KIAA0232: variants seen among roughly 807,000 people sequenced by gnomAD.
KIAA0232 encodes KIAA0232.
Under a neutral mutation model 122.0 loss-of-function variants are expected in KIAA0232, and 27 were observed. The ratio of observed to expected loss-of-function variants is 0.22; its 90% confidence interval spans 0.16 to 0.31. The LOEUF (loss-of-function observed/expected upper bound fraction) is 0.31, where lower values mean the gene tolerates loss of function less well. Among genes scored for constraint, KIAA0232 ranks in the 10% least tolerant of loss-of-function variants. The pLI is 1.00. For synonymous variants in KIAA0232, 613 were observed against 587.6 expected (o/e 1.04, Z -0.63); for missense variants, 1,551 against 1,634.2 (o/e 0.95, Z 0.88).
At chr4:6,850,963 C>T (rs961230213) in intron 4 of KIAA0232, among the ~76,000 whole-genome samples, 3 of 152,122 alleles carry the variant, frequency 2.0e-5, no homozygotes, top group Admixed American at 6.5e-5. Flanking sequence ...CCACCATGCT[C>T]GGCCGAAAGG....
chr4:6,832,568 C>T (rs948509300), intron 3 of KIAA0232, among the ~76,000 whole-genome samples: 5 of 152,104 alleles, frequency 3.3e-5, no homozygotes, highest in Non-Finnish European at 1.5e-5. Flanking sequence ...AGGCTGGTCT[C>T]GAGCTCCTGA....
At position 6,861,038 on chromosome 4, in the gene KIAA0232, C is replaced by G. The variant is rs1425186366; in HGVS notation, c.656C>G (p.Thr219Ser). The part of the protein sequence containing the change: ...SSTAPPASTD[T>S]SSPKDCNSES... ...ACAGCCCCACCAGCTAGCACAGATACTTCCTCTCCTAAGGACTGCAACAGT... is the reference window on the plus strand; with the variant it reads ...ACAGCCCCACCAGCTAGCACAGATAGTTCCTCTCCTAAGGACTGCAACAGT... The change falls in exon 7 of 10, where the codon ACT becomes AGT. Residue 219 changes from threonine to serine, a missense_variant. Physicochemically the swap from Thr to Ser is moderately conservative, Grantham distance 58. Transcript: ENST00000307659. 6.2e-7 allele frequency: 1 copy of G among 1,614,208 alleles called. No homozygotes were observed. Among genetic ancestry groups the G allele is most frequent in the Non-Finnish European group, 8.5e-7 (1 of 1,180,036 alleles).
At chr4:6,822,070 C>T (rs1200608039) in intron 2 of KIAA0232, among the ~76,000 whole-genome samples, 2 of 151,720 alleles carry the variant, frequency 1.3e-5, no homozygotes, top group African/African-American at 2.4e-5. Flanking sequence ...TTCTAGGGGT[C>T]GTTTTCTTCA....
chr4:6,847,161 G>T (rs187348304), intron 4 of KIAA0232, among the ~76,000 whole-genome samples: 113 of 122,132 alleles, frequency 9.3e-4, no homozygotes, highest in African/African-American at 2.6e-3. Flanking sequence ...TTCTCATTAT[G>T]TGTGTGGCTA....
chr4:6,784,378 C>T (rs762090859), intron 1 of KIAA0232, among the ~76,000 whole-genome samples: 1 of 151,942 alleles, frequency 6.6e-6, no homozygotes, highest in African/African-American at 2.4e-5. Flanking sequence ...CAAAATAAGA[C>T]CCGTTCCAGA....
At chr4:6,803,130 A>T (rs921559087) in intron 1 of KIAA0232, among the ~76,000 whole-genome samples, 1 of 150,754 alleles carries the variant, frequency 6.6e-6, no homozygotes, top group Non-Finnish European at 1.5e-5. Flanking sequence ...GTAGTAAGCT[A>T]TGATTGTACC....
chr4:6,876,518 A>G, intron 8 of KIAA0232, 142 bp from the exon 9 acceptor site: 1 of 584,840 alleles, frequency 1.7e-6, no homozygotes, highest in Non-Finnish European at 3.0e-6. Context: ...TTTAGTGACG[A>G]CTTAAAACCT....
At position 6,871,560 on chromosome 4, in the gene KIAA0232, T is replaced by A. The variant is rs1288347689; in HGVS notation, c.3802-14T>A. The stretch of plus-strand genomic sequence containing the variant: ...GTTTATAAACTTTTTCTGTATTTGG[T>A]TTAATCTAAACAGTTCCCTGTATTG... On this transcript the variant is annotated splice_polypyrimidine_tract_variant and intron_variant, in intron 7 of 9. Coordinates refer to ENST00000307659, the MANE Select transcript of KIAA0232 (RefSeq NM_014743.3). 6.2e-6 allele frequency: 9 copies of A among 1,442,430 alleles called. No homozygotes were observed. The highest frequency in any genetic ancestry group is 8.7e-6 in the Non-Finnish European group (9 of 1,038,550). 89.4% of individuals were successfully genotyped at this position (1,442,430 alleles called of 1,614,324 possible). A position where few individuals can be genotyped will look rare whatever the true frequency, so the allele number is the denominator to read the frequency against.
At chr4:6,823,490 G>A (rs1266038861) in intron 2 of KIAA0232, among the ~76,000 whole-genome samples, 1 of 152,144 alleles carries the variant, frequency 6.6e-6, no homozygotes, top group Non-Finnish European at 1.5e-5. Flanking sequence ...AAAACAGATT[G>A]GTACTCCACC....
chr4:6,821,327 G>A (rs1047821210), intron 2 of KIAA0232, among the ~76,000 whole-genome samples: 4 of 151,870 alleles, frequency 2.6e-5, no homozygotes, highest in Non-Finnish European at 5.9e-5. Flanking sequence ...TCACCTGAGC[G>A]GCATACACTC....
At chr4:6,852,419 A>G (rs1014574620) in intron 4 of KIAA0232, among the ~76,000 whole-genome samples, 1 of 152,222 alleles carries the variant, frequency 6.6e-6, no homozygotes, top group African/African-American at 2.4e-5. Flanking sequence ...TAAAACTTCC[A>G]GTCATTAAAG....
chr4:6,826,292 T>A (rs911498189), intron 3 of KIAA0232, among the ~76,000 whole-genome samples: 3 of 152,134 alleles, frequency 2.0e-5, no homozygotes, highest in African/African-American at 7.2e-5. Context: ...AATCAGCAAA[T>A]GTGTTATTTT....
At chr4:6,840,079 G>T in intron 3 of KIAA0232, among the ~76,000 whole-genome samples, 1 of 152,158 alleles carries the variant, frequency 6.6e-6, no homozygotes. Context: ...TAAAAGTCCA[G>T]AAGTTGGGCT....
chr4:6,842,929 G>A (rs1719743177), intron 4 of KIAA0232, among the ~76,000 whole-genome samples: 1 of 152,094 alleles, frequency 6.6e-6, no homozygotes, highest in African/African-American at 2.4e-5. Context: ...AATATGTTAT[G>A]TGGGGTTTTT....
intron 2 of KIAA0232, among the ~76,000 whole-genome samples, chr4:6,808,339 A>G (rs1717727751): frequency 1.3e-5 from 2 of 151,384 alleles, no homozygotes; most frequent in Non-Finnish European, 2.9e-5. Context: ...CCCAAATTGA[A>G]TAATTATGAA....
chr4:6,860,610 A>C lies in KIAA0232; in HGVS notation c.519-291A>C, dbSNP rs114790985. ...TTTCTTCTACTATTTGTCCTTTTTG[A>C]CTTCTTAATTAAAATGCAAACTTTG... On this transcript the variant is annotated intron_variant, in intron 6 of 9. Transcript: ENST00000307659. Among the ~76,000 whole-genome samples the C allele has an allele frequency of 7.2e-4, 109 of 152,302 alleles. 1 individual carries two copies. The highest frequency in any genetic ancestry group is 2.5e-3 in the African/African-American group (106 of 41,572).
intron 8 of KIAA0232, among the ~76,000 whole-genome samples, chr4:6,873,369 C>A (rs868342517): frequency 9.9e-5 from 15 of 152,214 alleles, no homozygotes; most frequent in Admixed American, 1.3e-4. Flanking sequence ...CACAGAGCTT[C>A]CCTTCATGTG....
chr4:6,822,824 G>A (rs1360200690), intron 2 of KIAA0232, among the ~76,000 whole-genome samples: 6 of 149,710 alleles, frequency 4.0e-5, no homozygotes, highest in Non-Finnish European at 8.9e-5. Flanking sequence ...CATGTGCACA[G>A]TGTGCAGGTT....
At chr4:6,791,296 C>G (rs1052139948) in intron 1 of KIAA0232, among the ~76,000 whole-genome samples, 2 of 133,838 alleles carry the variant, frequency 1.5e-5, no homozygotes, top group Admixed American at 7.8e-5. Flanking sequence ...CATTGGAATA[C>G]AAGTAGCTGT....
Sources: allele counts gnomAD v4.1 joint callset (sites outside exome capture counted in the v4.1 genomes callset), GRCh38; gene constraint gnomAD v4.1.1; transcripts MANE v1.5; gene names NCBI Gene and HGNC (gene_info 2026-07-23, HGNC 2026-07-21).